The following INVS variants were observed in gnomAD, a reference collection of about 807,000 sequenced individuals.
The protein encoded by INVS is inversin, also known as inversion of embryo turning homolog.
INVS carries 86 observed loss-of-function variants against 108.8 expected under a neutral mutation model. The observed-to-expected ratio is 0.79, with a 90% CI of 0.66 to 0.95. INVS has a LOEUF of 0.95. Ranked by LOEUF, INVS falls within the 40% of genes least tolerant of loss-of-function variation. The pLI is 0.00. For missense variants in INVS, 1,169 were observed against 1,297.4 expected, an observed-to-expected ratio of 0.90 and a Z score of 1.52; for synonymous variants, 455 against 473.5, an observed-to-expected ratio of 0.96 and a Z score of 0.51.
chr9:100,266,300 T>A (rs1832791340), intron 11 of INVS, among the ~76,000 whole-genome samples: 1 of 152,132 alleles, frequency 6.6e-6, no homozygotes, highest in Admixed American at 6.5e-5. Flanking sequence ...CAGTGCAAAG[T>A]GAAAGCAAGT....
intron 4 of INVS, among the ~76,000 whole-genome samples, chr9:100,227,819 G>T (rs1430282590): frequency 6.6e-6 from 1 of 151,884 alleles, no homozygotes; most frequent in Admixed American, 6.6e-5. Context: ...GTCCAACCTT[G>T]CACTGGCATT....
intron 3 of INVS, chr9:100,129,989 GT>G: frequency 3.0e-6 from 1 of 337,418 alleles, no homozygotes. Context: ...AACTGTGCTT[GT>G]ATAGGGTGGT....
chr9:100,302,085 T>C lies in INVS; in HGVS notation c.*1411T>C, dbSNP rs1039090132. 6 of 660,644 alleles carry C rather than the reference T, an allele frequency of 9.1e-6. No homozygotes were observed. In the East Asian group the frequency reaches 1.6e-4, roughly 18 times the overall value. The allele number at this position is 660,644 out of a possible 1,614,324, so 40.9% of individuals were successfully genotyped here. Reference sequence around the variant, plus strand: ...TGCAAAGAAAGAAGGTTCGTAAACTTCTTTAAAAGTTCAGCTTTAATGACA... The same window carrying C: ...TGCAAAGAAAGAAGGTTCGTAAACTCCTTTAAAAGTTCAGCTTTAATGACA... On this transcript the variant is annotated 3_prime_UTR_variant, in exon 17 of 17. Transcript: ENST00000262457.
At chr9:100,163,778 C>T (rs987749103) in intron 3 of INVS, among the ~76,000 whole-genome samples, 3 of 152,260 alleles carry the variant, frequency 2.0e-5, no homozygotes, top group South Asian at 2.1e-4. Flanking sequence ...GAAATGGGCA[C>T]GTGCTTTGTA....
chr9:100,185,446 G>A (rs1380301487), intron 3 of INVS, among the ~76,000 whole-genome samples: 1 of 146,230 alleles, frequency 6.8e-6, no homozygotes, highest in East Asian at 2.1e-4. Flanking sequence ...ACCTGTTCTT[G>A]AAGTTTTTAT....
At chr9:100,298,340 T>A in intron 16 of INVS, 1 of 984,716 alleles carries the variant, frequency 1.0e-6, no homozygotes, top group South Asian at 4.7e-5. Flanking sequence ...TTGTTCCATT[T>A]TGGTGTCACA....
intron 3 of INVS, among the ~76,000 whole-genome samples, chr9:100,149,241 G>T (rs1051575366): frequency 1.3e-5 from 2 of 152,200 alleles, no homozygotes; most frequent in Non-Finnish European, 1.5e-5. Flanking sequence ...AGCAAGTAGT[G>T]ATAGTTTATG....
intron 3 of INVS, among the ~76,000 whole-genome samples, chr9:100,138,138 G>T (rs1828291226): frequency 6.6e-6 from 1 of 152,128 alleles, no homozygotes; most frequent in African/African-American, 2.4e-5. Context: ...AGGCATGGTG[G>T]CTCATGTCTG....
intron 3 of INVS, among the ~76,000 whole-genome samples, chr9:100,143,509 G>A (rs1828499202): frequency 6.6e-6 from 1 of 152,088 alleles, no homozygotes; most frequent in South Asian, 2.1e-4. Flanking sequence ...GGTCACTAAG[G>A]AGGGAGTAGG....
chr9:100,299,475 T>C (rs1218751353), intron 16 of INVS, among the ~76,000 whole-genome samples: 5 of 151,342 alleles, frequency 3.3e-5, no homozygotes, highest in Non-Finnish European at 7.4e-5. Context: ...AGCAAATCAA[T>C]CCCTGCTCAT....
chr9:100,122,923 G>A (rs1827774437), intron 2 of INVS, among the ~76,000 whole-genome samples: 1 of 152,012 alleles, frequency 6.6e-6, no homozygotes, highest in Non-Finnish European at 1.5e-5. Context: ...TTTTATTGAT[G>A]TATTTACATC....
intron 3 of INVS, among the ~76,000 whole-genome samples, chr9:100,210,375 T>C (rs1830798752): frequency 1.3e-5 from 2 of 152,198 alleles, no homozygotes; most frequent in Admixed American, 6.5e-5. Flanking sequence ...GATTTGAAGC[T>C]GTCTTTATAT....
At chr9:100,161,364 C>CAAAAAAAAAAAAAAA (rs35392930) in intron 3 of INVS, among the ~76,000 whole-genome samples, 2 of 12,370 alleles carry the variant, frequency 1.6e-4, no homozygotes, top group African/African-American at 3.0e-4. Flanking sequence ...ACTTCCATCT[C>CAAAAAAAAAAAAAAA]AAAAAAAAAA....
At chr9:100,175,113 T>A in intron 3 of INVS, 1 of 297,244 alleles carries the variant, frequency 3.4e-6, no homozygotes, top group African/African-American at 2.2e-5. Context: ...AAAAACAGTC[T>A]TAAAGCCTTA....
intron 11 of INVS, among the ~76,000 whole-genome samples, chr9:100,269,371 A>T (rs182103842): frequency 8.0e-4 from 122 of 152,074 alleles, no homozygotes; most frequent in South Asian, 1.5e-3. Flanking sequence ...TTGTAGCAAA[A>T]TTTTTTTTAA....
intron 3 of INVS, among the ~76,000 whole-genome samples, chr9:100,169,321 A>G (rs191655080): frequency 6.6e-6 from 1 of 152,330 alleles, no homozygotes; most frequent in Admixed American, 6.5e-5. Flanking sequence ...ATGTTTTTGT[A>G]TATCCCTACA....
intron 1 of INVS, among the ~76,000 whole-genome samples, 157 bp downstream of exon 1, chr9:100,099,573 T>C (rs970998391): frequency 6.6e-6 from 1 of 152,224 alleles, no homozygotes; most frequent in Non-Finnish European, 1.5e-5. Flanking sequence ...CTCTAATTCC[T>C]GCATTATAAA....
intron 11 of INVS, among the ~76,000 whole-genome samples, chr9:100,272,216 ACAT>A (rs1177655743): frequency 5.3e-5 from 8 of 152,104 alleles, no homozygotes; most frequent in African/African-American, 1.9e-4. Flanking sequence ...AAGACTTCCA[ACAT>A]CATTTTTTAA....
At chr9:100,248,195 T>G (rs532337177) in intron 8 of INVS, among the ~76,000 whole-genome samples, 1 of 152,332 alleles carries the variant, frequency 6.6e-6, no homozygotes, top group South Asian at 2.1e-4. Flanking sequence ...AACATTTAAT[T>G]TTTTGTCAGT....
Sources: gnomAD v4.1 joint callset for allele counts (sites outside exome capture counted in the v4.1 genomes callset) on GRCh38, gnomAD v4.1.1 for gene constraint, MANE v1.5 for transcripts, NCBI Gene and HGNC (gene_info 2026-07-23, HGNC 2026-07-21) for gene names.